The following CAMK2G variants were observed in gnomAD, a reference collection of about 807,000 sequenced individuals.
CAMK2G encodes the protein calcium/calmodulin-dependent protein kinase type II subunit gamma.
Under a neutral mutation model 88.7 loss-of-function variants are expected in CAMK2G, and 23 were observed. That is an observed-to-expected ratio of 0.26 (90% confidence interval 0.19 to 0.37). The LOEUF (loss-of-function observed/expected upper bound fraction) is 0.37. Ranked by LOEUF, CAMK2G falls within the 10% of genes least tolerant of loss-of-function variation. The pLI, the probability that CAMK2G is intolerant of heterozygous loss-of-function variation, is 1.00. For missense variants in CAMK2G, 476 were observed against 780.8 expected (o/e 0.61, Z 4.65); for synonymous variants, 263 against 294.8 (o/e 0.89, Z 1.11).
At chr10:73,843,840 G>C (rs1216399036) in intron 10 of CAMK2G, among the ~76,000 whole-genome samples, 3 of 152,056 alleles carry the variant, frequency 2.0e-5, no homozygotes, top group African/African-American at 4.8e-5. Context: ...AGCAAAATGA[G>C]AGGTCATCAG....
intron 19 of CAMK2G, chr10:73,818,410 C>T (rs2086484231): frequency 3.3e-6 from 1 of 305,720 alleles, no homozygotes; most frequent in Non-Finnish European, 6.6e-6. Context: ...AATGCCACTA[C>T]CAGCAGGGGC....
Position 73,814,400 on chromosome 10 carries a change from T to C in CAMK2G, c.*118A>G, listed in dbSNP as rs190443057. 192 of 153,292 alleles carry C rather than the reference T, an allele frequency of 1.3e-3. No individual in the cohort carries two copies. Among genetic ancestry groups the C allele is most frequent in the Non-Finnish European group, 2.1e-3 (147 of 68,496 alleles). The allele number at this position is 153,292 out of a possible 1,614,324, so 9.5% of individuals were successfully genotyped here. A position where few individuals can be genotyped will look rare whatever the true frequency, so the allele number is the denominator to read the frequency against. On this transcript the variant is annotated 3_prime_UTR_variant, in exon 23 of 23. Coordinates refer to ENST00000423381, the MANE Select transcript of CAMK2G (RefSeq NM_001367534.1). ...GCATTGGCTGCTGCCGCTTTTGTAATTGAATTGTTTTAAACCTCAAACAAA... is the reference window on the plus strand; with the variant it reads ...GCATTGGCTGCTGCCGCTTTTGTAACTGAATTGTTTTAAACCTCAAACAAA...
At chr10:73,860,506 C>T (rs1591180498) in intron 3 of CAMK2G, among the ~76,000 whole-genome samples, 1 of 152,194 alleles carries the variant, frequency 6.6e-6, no homozygotes. Context: ...GGGACGCTGG[C>T]AGGCTAGGAG....
intron 15 of CAMK2G, among the ~76,000 whole-genome samples, chr10:73,826,272 A>G (rs984701863): frequency 2.0e-5 from 3 of 152,174 alleles, no homozygotes; most frequent in African/African-American, 7.2e-5. Flanking sequence ...GTCTCTACTA[A>G]AAATACAAAA....
At chr10:73,840,365 G>A (rs1020506530) in intron 12 of CAMK2G, among the ~76,000 whole-genome samples, 10 of 152,304 alleles carry the variant, frequency 6.6e-5, no homozygotes, top group Admixed American at 6.5e-5. Context: ...CCTATTGGAG[G>A]TCAACTCAAA....
intron 14 of CAMK2G, among the ~76,000 whole-genome samples, chr10:73,834,377 AG>A (rs1428389546): frequency 6.6e-6 from 1 of 152,226 alleles, no homozygotes; most frequent in Non-Finnish European, 1.5e-5. Context: ...TTTTCTCAAA[AG>A]AATGTGGCAT....
chr10:73,814,590 A>G lies in CAMK2G; in HGVS notation c.*13-85T>C, dbSNP rs1287752894. On this transcript the variant is annotated intron_variant, in intron 22 of 22. Coordinates refer to ENST00000423381, the MANE Select transcript of CAMK2G (RefSeq NM_001367534.1). ...CCAGCGACTTTAGCACGCTAAACAC[A>G]TGGCCAAGTCGGCCTGAGAAGGTGG... is the stretch of plus-strand genomic sequence containing the variant. The G allele has an allele frequency of 1.5e-5, 3 of 199,068 alleles. No individual in the cohort carries two copies. The Admixed American group carries it at 1.6e-4, about 10-fold the overall frequency. 12.3% of individuals were successfully genotyped at this position (199,068 alleles called of 1,614,324 possible). A position where few individuals can be genotyped will look rare whatever the true frequency, so the allele number is the denominator to read the frequency against.
chr10:73,819,492 C>CA, intron 19 of CAMK2G, 40 bp downstream of exon 19: 16 of 1,417,426 alleles, frequency 1.1e-5, no homozygotes, highest in Non-Finnish European at 1.5e-5. Flanking sequence ...CAGGACGAGC[C>CA]AGGGAGACGG....
intron 10 of CAMK2G, among the ~76,000 whole-genome samples, chr10:73,844,751 C>G (rs2094103325): frequency 6.6e-6 from 1 of 152,170 alleles, no homozygotes; most frequent in African/African-American, 2.4e-5. Context: ...TTATTTCCCA[C>G]CTCAATGCCT....
At chr10:73,844,574 A>AT (rs1315005921) in intron 10 of CAMK2G, among the ~76,000 whole-genome samples, 1 of 151,678 alleles carries the variant, frequency 6.6e-6, no homozygotes, top group African/African-American at 2.4e-5. Flanking sequence ...TACCCAGCTA[A>AT]TTTTTTGTAT....
Position 73,842,284 on chromosome 10 carries a change from G to T in CAMK2G, c.904-73C>A, listed in dbSNP as rs576270793. ...GGCAGGCTGGTCTCAGGCAAAGGCA[G>T]GTCCTGGCTAGAGCCTGAAGACATC... On this transcript the variant is annotated intron_variant, in intron 11 of 22. Transcript: ENST00000423381. The surrounding 1 kb of genome is among the most constrained non-coding windows in gnomAD (Gnocchi z 4.6). The T allele has an allele frequency of 3.7e-6, 5 of 1,351,014 alleles. No individual in the cohort carries two copies. Among genetic ancestry groups the T allele is most frequent in the Non-Finnish European group, 5.3e-6 (5 of 939,930 alleles). The allele number at this position is 1,351,014 out of a possible 1,614,324, so 83.7% of individuals were successfully genotyped here. A position where few individuals can be genotyped will look rare whatever the true frequency, so the allele number is the denominator to read the frequency against.
At chr10:73,854,459 C>T (rs948806077) in intron 3 of CAMK2G, among the ~76,000 whole-genome samples, 1 of 152,230 alleles carries the variant, frequency 6.6e-6, no homozygotes, top group East Asian at 1.9e-4. Flanking sequence ...TGTCCTGTCC[C>T]TCCCCTCACG....
At chr10:73,867,908 A>G (rs1053202440) in intron 2 of CAMK2G, among the ~76,000 whole-genome samples, 1 of 152,014 alleles carries the variant, frequency 6.6e-6, no homozygotes, top group Non-Finnish European at 1.5e-5. Context: ...GCAGCACAAA[A>G]CCAAAAAAGA....
At chr10:73,850,335 A>G (rs1325704768) in intron 5 of CAMK2G, among the ~76,000 whole-genome samples, 1 of 152,108 alleles carries the variant, frequency 6.6e-6, no homozygotes, top group East Asian at 1.9e-4. Flanking sequence ...ATAGCAAACC[A>G]TCCTGCCATC....
chr10:73,852,597 GA>G (rs1352549847), intron 4 of CAMK2G: 1 of 448,452 alleles, frequency 2.2e-6, no homozygotes, highest in African/African-American at 2.0e-5. Context: ...GGATCTAAGA[GA>G]AAACAGTCAA....
Position 73,848,736 on chromosome 10 carries a change from G to T in CAMK2G, c.518-127C>A. 1 of 659,000 alleles carries T rather than the reference G, an allele frequency of 1.5e-6. No individual in the cohort carries two copies. The allele number at this position is 659,000 out of a possible 1,614,324, so 40.8% of individuals were successfully genotyped here. Reference sequence around the variant, plus strand: ...TGCTACATAAACTCTCAGCACATGGGCAGCAAGAGCTGACAGGCTGGGCTT... The same window carrying T: ...TGCTACATAAACTCTCAGCACATGGTCAGCAAGAGCTGACAGGCTGGGCTT... On this transcript the variant is annotated intron_variant, in intron 7 of 22. Transcript: ENST00000423381. The surrounding 1 kb of genome is among the most constrained non-coding windows in gnomAD (Gnocchi z 4.5).
At chr10:73,859,300 G>A (rs2095257539) in intron 3 of CAMK2G, among the ~76,000 whole-genome samples, 1 of 152,268 alleles carries the variant, frequency 6.6e-6, no homozygotes, top group Non-Finnish European at 1.5e-5. Flanking sequence ...GCTCCTCACA[G>A]CTCCTTCTGG....
At chr10:73,873,173 C>T (rs2095899317) in intron 1 of CAMK2G, 90 bp from the exon 2 acceptor site, 2 of 1,017,238 alleles carry the variant, frequency 2.0e-6, no homozygotes, top group Non-Finnish European at 3.1e-6. Context: ...ATGCTCCCAC[C>T]ACCAGACCTC....
At chr10:73,821,100 G>A (rs1010943743) in intron 18 of CAMK2G, among the ~76,000 whole-genome samples, 2 of 151,942 alleles carry the variant, frequency 1.3e-5, no homozygotes, top group Non-Finnish European at 2.9e-5. Flanking sequence ...GTGAGTCACC[G>A]CACCTGGCCT....
Sources: gnomAD v4.1 joint callset for allele counts (sites outside exome capture counted in the v4.1 genomes callset) on GRCh38, gnomAD v4.1.1 for gene constraint, Gnocchi (gnomAD v3.1) non-coding constraint, MANE v1.5 for transcripts, NCBI Gene and HGNC (gene_info 2026-07-23, HGNC 2026-07-21) for gene names.